Variants in DACH2 observed in about 807,000 individuals in gnomAD.
DACH2 encodes dachshund family transcription factor 2.
In DACH2, 17 loss-of-function variants were observed where a neutral mutation model predicts 35.8. That is an observed-to-expected ratio of 0.48 (90% confidence interval 0.33 to 0.71). The LOEUF is 0.71. DACH2 is among the 30% of genes least tolerant of loss of function. The pLI, the probability that DACH2 is intolerant of heterozygous loss-of-function variation, is 0.02. For missense variants in DACH2, 469 were observed against 472.7 expected (o/e 0.99, Z 0.07); for synonymous variants, 195 against 177.3 (o/e 1.10, Z -0.79).
intron 2 of DACH2, among the ~76,000 whole-genome samples, chrX:86,446,283 T>C (rs2037273762): frequency 1.4e-5 from 1 of 70,929 alleles, no homozygotes; most frequent in African/African-American, 4.5e-5. Flanking sequence ...AGTTGAGTCT[T>C]GTTTCTTTTT....
intron 2 of DACH2, among the ~76,000 whole-genome samples, chrX:86,479,076 G>A (rs892163080): frequency 9.0e-6 from 1 of 110,863 alleles, no homozygotes; most frequent in African/African-American, 3.3e-5. Flanking sequence ...TCTTCCGCCA[G>A]AGTTGGGCCA....
intron 3 of DACH2, among the ~76,000 whole-genome samples, chrX:86,582,982 G>A (rs1350855157): frequency 9.0e-6 from 1 of 110,788 alleles, no homozygotes; most frequent in African/African-American, 3.3e-5. Flanking sequence ...CTAACAAACC[G>A]AATTCAGTAG....
chrX:86,773,734 G>A (rs142415759), intron 7 of DACH2, among the ~76,000 whole-genome samples: 7 of 111,560 alleles, frequency 6.3e-5, no homozygotes, highest in African/African-American at 9.7e-5. Flanking sequence ...GCAATGAAAT[G>A]CATTGGACTT....
At chrX:86,235,874 C>G (rs1315303805) in intron 1 of DACH2, among the ~76,000 whole-genome samples, 2 of 111,925 alleles carry the variant, frequency 1.8e-5, no homozygotes, top group Non-Finnish European at 1.9e-5. Context: ...TGGTTCACAC[C>G]TGTAATCCCA....
chrX:86,687,054 G>A (rs1026229012), intron 4 of DACH2, among the ~76,000 whole-genome samples: 2 of 112,263 alleles, frequency 1.8e-5, no homozygotes, highest in African/African-American at 3.2e-5. Flanking sequence ...GAGTAAGCCT[G>A]TGGTGAGTAC....
intron 3 of DACH2, among the ~76,000 whole-genome samples, chrX:86,591,141 G>A (rs73245365): frequency 0.085 from 9,420 of 111,097 alleles, 597 homozygotes; most frequent in Admixed American, 0.29. Context: ...TCCTTTGTAG[G>A]ACATGTGAAC....
intron 1 of DACH2, among the ~76,000 whole-genome samples, chrX:86,195,676 A>G (rs903552117): frequency 9.0e-6 from 1 of 111,686 alleles, no homozygotes; most frequent in African/African-American, 3.3e-5. Flanking sequence ...TTTGGCCAGC[A>G]CCACCCTTTG....
chrX:86,646,380 A>G (rs2040415394), intron 3 of DACH2, among the ~76,000 whole-genome samples: 1 of 110,945 alleles, frequency 9.0e-6, no homozygotes, highest in Admixed American at 9.7e-5. Flanking sequence ...CTAAAAATCC[A>G]GAGTTCACCA....
chrX:86,757,813 A>G (rs1398033253), intron 7 of DACH2, among the ~76,000 whole-genome samples: 3 of 112,060 alleles, frequency 2.7e-5, no homozygotes, highest in African/African-American at 9.7e-5. Context: ...TGCCCGAGCC[A>G]TGCTTCCTGT....
chrX:86,395,144 A>G (rs367913069), intron 2 of DACH2, among the ~76,000 whole-genome samples: 1 of 111,139 alleles, frequency 9.0e-6, no homozygotes, highest in African/African-American at 3.3e-5. Context: ...GGTTACATGA[A>G]CATCCTCTCT....
At chrX:86,467,912 G>A (rs975727700) in intron 2 of DACH2, among the ~76,000 whole-genome samples, 2 of 111,301 alleles carry the variant, frequency 1.8e-5, no homozygotes, top group African/African-American at 6.5e-5. Context: ...AGAGCACGGA[G>A]GTAAATGGCC....
At chrX:86,486,454 A>T (rs13441073) in intron 2 of DACH2, among the ~76,000 whole-genome samples, 20,744 of 110,094 alleles carry the variant, frequency 0.19, 1,637 homozygotes, top group African/African-American at 0.27. Context: ...ATCTAGTGTG[A>T]AGTTCCAGCT....
intron 3 of DACH2, among the ~76,000 whole-genome samples, chrX:86,593,943 T>C (rs2039680979): frequency 9.0e-6 from 1 of 111,402 alleles, no homozygotes; most frequent in Admixed American, 9.6e-5. Flanking sequence ...CCTTAAATGT[T>C]TGGTAGAATT....
At chrX:86,390,744 C>T (rs923905088) in intron 2 of DACH2, among the ~76,000 whole-genome samples, 7 of 108,942 alleles carry the variant, frequency 6.4e-5, no homozygotes, top group African/African-American at 2.3e-4. Context: ...CATGCACCAC[C>T]ACACCTGGCT....
chrX:86,802,528 GAAAAAAAAAAAA>G (rs34700295), intron 7 of DACH2, among the ~76,000 whole-genome samples: 3 of 63,142 alleles, frequency 4.8e-5, no homozygotes, highest in East Asian at 1.3e-3. Flanking sequence ...TTTCTTGGTT[GAAAAAAAAAAAA>G]AAAAAAAAAA....
chrX:86,705,201 C>G (rs773507643), intron 5 of DACH2, among the ~76,000 whole-genome samples: 3 of 109,292 alleles, frequency 2.7e-5, no homozygotes, highest in Non-Finnish European at 5.7e-5. Flanking sequence ...AATGGAAAAC[C>G]AAACATAGTG....
intron 1 of DACH2, among the ~76,000 whole-genome samples, chrX:86,273,899 G>C (rs2033859558): frequency 8.9e-6 from 1 of 112,267 alleles, no homozygotes; most frequent in Non-Finnish European, 1.9e-5. Flanking sequence ...GAATTTATTT[G>C]AACGTTCAGA....
At chrX:86,568,304 G>A (rs1253809922) in intron 3 of DACH2, among the ~76,000 whole-genome samples, 1 of 111,336 alleles carries the variant, frequency 9.0e-6, no homozygotes, top group Non-Finnish European at 1.9e-5. Flanking sequence ...TGATTAAGAT[G>A]TGTCAATATA....
intron 6 of DACH2, among the ~76,000 whole-genome samples, chrX:86,716,027 C>G: frequency 9.0e-6 from 1 of 111,612 alleles, no homozygotes; most frequent in East Asian, 2.8e-4. Flanking sequence ...AAGAAAGGAA[C>G]AGAAAAATTG....
Sources: allele counts gnomAD v4.1 joint callset (sites outside exome capture counted in the v4.1 genomes callset), GRCh38; gene constraint gnomAD v4.1.1; transcripts MANE v1.5; gene names NCBI Gene and HGNC (gene_info 2026-07-23, HGNC 2026-07-21).